Variants in NOS1 observed in about 807,000 individuals in gnomAD.
NOS1 encodes the protein NOS type I.
In NOS1, 51 loss-of-function variants were observed where a neutral mutation model predicts 164.5. The observed-to-expected ratio is 0.31, with a 90% CI of 0.25 to 0.39. The LOEUF (loss-of-function observed/expected upper bound fraction) is 0.39. Among genes scored for constraint, NOS1 ranks in the 10% least tolerant of loss-of-function variants. NOS1 has a pLI of 1.00. For synonymous variants in NOS1, 719 were observed against 745.8 expected, an observed-to-expected ratio of 0.96 and a Z score of 0.59; for missense variants, 1,362 against 1,885.6, an observed-to-expected ratio of 0.72 and a Z score of 5.14.
Position 117,211,926 on chromosome 12 carries a change from G to T in NOS1, c.*3383C>A. Reference sequence around the variant, plus strand: ...CTAAAAATACAAAACTTAGCTGGGCGTGGTGGTAGGCGCCTGTAGTCCCAG... The same window carrying T: ...CTAAAAATACAAAACTTAGCTGGGCTTGGTGGTAGGCGCCTGTAGTCCCAG... On this transcript the variant is annotated 3_prime_UTR_variant, in exon 29 of 29. Transcript: ENST00000317775. 1.5e-6 allele frequency: 1 copy of T among 664,782 alleles called. No individual in the cohort carries two copies. Among genetic ancestry groups the T allele is most frequent in the Non-Finnish European group, 1.9e-6 (1 of 537,218 alleles). 41.2% of individuals were successfully genotyped at this position (664,782 alleles called of 1,614,324 possible). A position where few individuals can be genotyped will look rare whatever the true frequency, so the allele number is the denominator to read the frequency against.
intron 26 of NOS1, among the ~76,000 whole-genome samples, chr12:117,221,015 A>G (rs1427821392): frequency 2.0e-5 from 3 of 151,882 alleles, no homozygotes; most frequent in Non-Finnish European, 2.9e-5. Flanking sequence ...ACCTGCCACG[A>G]TGTCCTGACT....
rs377455498 is a variant in NOS1 at position 117,232,011 on chromosome 12, G to A, written c.3356C>T (p.Ser1119Phe). The change falls in exon 22 of 29, where the codon TCC (serine) becomes TTC (phenylalanine). Residue 1119 changes from serine to phenylalanine, a missense_variant. By Grantham distance (155) the Ser-to-Phe change is radical. Around this residue, in one of 4 missense-constraint regions of NOS1, gnomAD observed 737 missense variants for 1,030.3 expected, o/e 0.72. Coordinates refer to ENST00000317775, the MANE Select transcript of NOS1 (RefSeq NM_000620.5). The stretch of plus-strand genomic sequence containing the variant: ...CTTCTCCTTCTCGCTGGTAGCTAGG[G>A]AGGCAAACTGCTGCAGCTGCAGAGG... ...PTPLQLQQFA[S>F]LATSEKEKQR... 1 of 1,612,894 alleles carries A rather than the reference G, an allele frequency of 6.2e-7. No individual in the cohort carries two copies. The highest frequency in any genetic ancestry group is 8.5e-7 in the Non-Finnish European group (1 of 1,179,980).
At chr12:117,350,126 C>T (rs1876549558) in intron 1 of NOS1, among the ~76,000 whole-genome samples, 1 of 152,082 alleles carries the variant, frequency 6.6e-6, no homozygotes, top group Non-Finnish European at 1.5e-5. Flanking sequence ...AAAGTTTCTC[C>T]AAGTTTAATC....
At chr12:117,350,595 A>G (rs1876570811) in intron 1 of NOS1, among the ~76,000 whole-genome samples, 1 of 152,182 alleles carries the variant, frequency 6.6e-6, no homozygotes, top group Non-Finnish European at 1.5e-5. Context: ...CTGAAGACAC[A>G]CCAGCATGTC....
chr12:117,317,773 G>A (rs969623112), intron 2 of NOS1, among the ~76,000 whole-genome samples: 7 of 152,092 alleles, frequency 4.6e-5, no homozygotes, highest in African/African-American at 1.7e-4. Flanking sequence ...ATCCCCCAAT[G>A]AGCTTGGCAT....
rs756677814 is a variant in NOS1 at position 117,277,912 on chromosome 12, T to C, written c.1664+47A>G. 4.6e-6 allele frequency: 7 copies of C among 1,534,296 alleles called. No homozygotes were observed. The South Asian group carries it at 7.1e-5, about 16-fold the overall frequency. On this transcript the variant is annotated intron_variant, in intron 9 of 28. Transcript: ENST00000317775. ...GATGGGGCTGGGCAAAGAGGGGCACTGGGCAAACCCACTCACCCTCTCCCA... is the reference window on the plus strand; with the variant it reads ...GATGGGGCTGGGCAAAGAGGGGCACCGGGCAAACCCACTCACCCTCTCCCA...
chr12:117,253,611 C>T (rs766133413), intron 17 of NOS1, 27 bp downstream of exon 17: 24 of 1,531,128 alleles, frequency 1.6e-5, no homozygotes, highest in African/African-American at 1.4e-5. Context: ...CTTCCCTGAC[C>T]CCCGACCCCC....
At chr12:117,307,529 A>G (rs1325172866) in intron 3 of NOS1, among the ~76,000 whole-genome samples, 2 of 151,966 alleles carry the variant, frequency 1.3e-5, no homozygotes, top group Non-Finnish European at 2.9e-5. Context: ...CCCAGTTAAT[A>G]GTTTATACTC....
chr12:117,258,946 G>A, intron 15 of NOS1, 80 bp downstream of exon 15: 2 of 934,094 alleles, frequency 2.1e-6, no homozygotes. Flanking sequence ...AATAGCAGGT[G>A]TAGGAAGAGT....
intron 21 of NOS1, 132 bp from the exon 22 acceptor site, chr12:117,232,263 G>A (rs1303382652): frequency 2.8e-6 from 2 of 702,498 alleles, no homozygotes; most frequent in Admixed American, 5.5e-5. Flanking sequence ...CAACCTTCTA[G>A]CTCTCCACCT....
At chr12:117,310,605 A>G (rs9658308) in intron 3 of NOS1, among the ~76,000 whole-genome samples, 20,875 of 152,168 alleles carry the variant, frequency 0.14, 1,659 homozygotes, top group East Asian at 0.26. Flanking sequence ...AGGATTAGGA[A>G]CAGATAGAGC....
intron 6 of NOS1, among the ~76,000 whole-genome samples, chr12:117,285,878 T>C (rs1874079354): frequency 6.6e-6 from 1 of 152,102 alleles, no homozygotes; most frequent in South Asian, 2.1e-4. Flanking sequence ...CCAAGAGATA[T>C]GCAAGTTCAT....
chr12:117,214,074 G>T lies in NOS1; in HGVS notation c.*1235C>A, dbSNP rs1184393235. 2 of 985,272 alleles carry T rather than the reference G, an allele frequency of 2.0e-6. No homozygotes were observed. The highest frequency in any genetic ancestry group is 2.4e-6 in the Non-Finnish European group (2 of 829,930). 61.0% of individuals were successfully genotyped at this position (985,272 alleles called of 1,614,324 possible). ...GGACAAGTTCTTCCCACCCCAAGTT[G>T]TGGCTCCTATCGAAGAAGCCACGTG... On this transcript the variant is annotated 3_prime_UTR_variant, in exon 29 of 29. Transcript: ENST00000317775.
At chr12:117,216,244 G>A (rs1483254910) in intron 28 of NOS1, among the ~76,000 whole-genome samples, 8 of 149,816 alleles carry the variant, frequency 5.3e-5, no homozygotes, top group African/African-American at 1.5e-4. Context: ...GTGCAGTGGC[G>A]GGATCTTGGC....
At chr12:117,324,715 C>CTAAATAAA (rs56906790) in intron 2 of NOS1, among the ~76,000 whole-genome samples, 48,863 of 149,162 alleles carry the variant, frequency 0.33, 8,600 homozygotes, top group Middle Eastern at 0.44. Context: ...GACTCTGTCT[C>CTAAATAAA]TAAATAAATA....
intron 2 of NOS1, among the ~76,000 whole-genome samples, chr12:117,320,404 C>T (rs749424121): frequency 6.6e-6 from 1 of 152,000 alleles, no homozygotes; most frequent in Admixed American, 6.6e-5. Flanking sequence ...AGGAAGGGAC[C>T]ACAAGCTAAA....
intron 17 of NOS1, among the ~76,000 whole-genome samples, chr12:117,250,443 C>G (rs1204164172): frequency 6.6e-6 from 1 of 151,822 alleles, no homozygotes; most frequent in Non-Finnish European, 1.5e-5. Context: ...ATTCTCCCGC[C>G]TCAGCCTCCA....
chr12:117,355,010 T>C (rs565412895), intron 1 of NOS1, among the ~76,000 whole-genome samples: 1 of 152,348 alleles, frequency 6.6e-6, no homozygotes, highest in African/African-American at 2.4e-5. Flanking sequence ...AGGCTCACCT[T>C]TTTAATCCTC....
Position 117,265,514 on chromosome 12 carries a change from T to G in NOS1, c.1942-4A>C. The G allele has an allele frequency of 6.6e-7, 1 of 1,518,202 alleles. No homozygotes were observed. Among genetic ancestry groups the G allele is most frequent in the Non-Finnish European group, 8.9e-7 (1 of 1,125,882 alleles). The allele number at this position is 1,518,202 out of a possible 1,614,324, so 94.0% of individuals were successfully genotyped here. A position where few individuals can be genotyped will look rare whatever the true frequency, so the allele number is the denominator to read the frequency against. ...CAACAATGGTCACTTTGTCACTCTG[T>G]GGGAGGAGAGGGGACAGGGGTCAGG... On this transcript the variant is annotated splice_region_variant and splice_polypyrimidine_tract_variant and intron_variant, in intron 11 of 28. Coordinates refer to ENST00000317775, the MANE Select transcript of NOS1 (RefSeq NM_000620.5).
Sources: gnomAD v4.1 joint callset for allele counts (sites outside exome capture counted in the v4.1 genomes callset) on GRCh38, gnomAD v4.1.1 for gene constraint, gnomAD v4.1.1 regional missense constraint, MANE v1.5 for transcripts, NCBI Gene and HGNC (gene_info 2026-07-23, HGNC 2026-07-21) for gene names.